GLYR1: variants seen among roughly 807,000 people sequenced by gnomAD.
GLYR1 encodes cytokine-like nuclear factor N-PAC.
GLYR1 carries 21 observed loss-of-function variants against 72.7 expected under a neutral mutation model. The ratio of observed to expected loss-of-function variants is 0.29; its 90% CI spans 0.20 to 0.42. The LOEUF is 0.42. GLYR1 is among the 10% of genes least tolerant of loss of function. The pLI is 1.00. For missense variants in GLYR1, 594 were observed against 712.1 expected (o/e 0.83, Z 1.89); for synonymous variants, 392 against 270.2 (o/e 1.45, Z -4.42).
intron 4 of GLYR1, 134 bp downstream of exon 4, chr16:4,832,640 T>G (rs113352529): frequency 1.8e-6 from 2 of 1,085,552 alleles, no homozygotes; most frequent in Non-Finnish European, 2.6e-6. Flanking sequence ...GCTGACACCT[T>G]AGAACTGAAG....
At chr16:4,832,359 T>C in intron 4 of GLYR1, 138 bp from the exon 5 acceptor site, 2 of 1,064,002 alleles carry the variant, frequency 1.9e-6, no homozygotes, top group Non-Finnish European at 2.7e-6. Context: ...GATTCTGCTG[T>C]CGTCCCAGAC....
intron 9 of GLYR1, among the ~76,000 whole-genome samples, chr16:4,818,084 T>C (rs908603504): frequency 6.6e-6 from 1 of 151,606 alleles, no homozygotes; most frequent in Non-Finnish European, 1.5e-5. Flanking sequence ...AACCTCTGCA[T>C]CCTGGGTTCA....
rs564565068 is a variant in GLYR1 at position 4,814,746 on chromosome 16, C to G, written c.907-99G>C. 50 of 968,420 alleles carry G rather than the reference C, an allele frequency of 5.2e-5. No individual in the cohort carries two copies. In the Middle Eastern group the frequency reaches 1.6e-3, roughly 31 times the overall value. The allele number at this position is 968,420 out of a possible 1,614,324, so 60.0% of individuals were successfully genotyped here. On this transcript the variant is annotated intron_variant, in intron 10 of 15. Transcript: ENST00000321919. The stretch of plus-strand genomic sequence containing the variant: ...CTGACCAGGCCTCCTGGCGGCCTAC[C>G]AAGGCAGGAGGCTGAGGCCGGGAGC...
intron 15 of GLYR1, among the ~76,000 whole-genome samples, chr16:4,805,533 G>T (rs756729618): frequency 3.9e-5 from 6 of 152,230 alleles, no homozygotes; most frequent in Non-Finnish European, 7.3e-5. Context: ...GGGGGATCTT[G>T]TGAGAATGAA....
Position 4,847,287 on chromosome 16 carries a change from A to C in GLYR1, c.-22T>G, listed in dbSNP as rs760217822. ...CCATCTTACCACCCAACCACCGCCG[A>C]CGCACGGGCCGCCGGGAACAGCAAG... On this transcript the variant is annotated 5_prime_UTR_variant, in exon 1 of 16. Coordinates refer to ENST00000321919, the MANE Select transcript of GLYR1 (RefSeq NM_032569.4). The C allele has an allele frequency of 2.5e-6, 4 of 1,609,394 alleles. No individual in the cohort carries two copies. In the South Asian group the frequency reaches 3.3e-5, roughly 13 times the overall value.
At chr16:4,821,256 C>G (rs929641229) in intron 9 of GLYR1, 124 bp downstream of exon 9, 4 of 929,620 alleles carry the variant, frequency 4.3e-6, no homozygotes, top group South Asian at 1.4e-5. Context: ...AACATCCCCC[C>G]ACCTTTTCCA....
chr16:4,817,815 C>T lies in GLYR1; in HGVS notation c.807-118G>A, dbSNP rs955861710. 8 of 696,862 alleles carry T rather than the reference C, an allele frequency of 1.1e-5. No individual in the cohort carries two copies. The African/African-American group carries it at 1.2e-4, about 11-fold the overall frequency. The allele number at this position is 696,862 out of a possible 1,614,324, so 43.2% of individuals were successfully genotyped here. On this transcript the variant is annotated intron_variant, in intron 9 of 15. Transcript: ENST00000321919. ...GCTTGGGGTAGGGGAATTCAGACTGCCAGAAACAGCAGTGGCCAATCTACC... is the reference window on the plus strand; with the variant it reads ...GCTTGGGGTAGGGGAATTCAGACTGTCAGAAACAGCAGTGGCCAATCTACC...
At chr16:4,807,862 C>A (rs1041103724) in intron 15 of GLYR1, among the ~76,000 whole-genome samples, 1 of 152,114 alleles carries the variant, frequency 6.6e-6, no homozygotes, top group Non-Finnish European at 1.5e-5. Context: ...ACAGGGGGGA[C>A]TTGAAATAGT....
chr16:4,818,002 C>CT (rs61285093), intron 9 of GLYR1: 98,210 of 219,464 alleles, frequency 0.45, 18,102 homozygotes, highest in East Asian at 0.53. Flanking sequence ...CCTTGCTGCC[C>CT]TTTTTTTTTT....
rs1035539017 is a variant in GLYR1, at chr16:4,832,719, C to T, written c.294+55G>A. The T allele has an allele frequency of 4.9e-5, 75 of 1,545,188 alleles. No individual in the cohort carries two copies. In the Middle Eastern group the frequency reaches 5.1e-4, roughly 11 times the overall value. Reference sequence around the variant, plus strand: ...TGGGTGACATTTAATCTGTTAGTTGCTATGCAAAAATCACCAGTCTGGCAT... The same window carrying T: ...TGGGTGACATTTAATCTGTTAGTTGTTATGCAAAAATCACCAGTCTGGCAT... On this transcript the variant is annotated intron_variant, in intron 4 of 15. Transcript: ENST00000321919.
intron 13 of GLYR1, 78 bp downstream of exon 13, chr16:4,812,008 G>A (rs2083346992): frequency 3.9e-6 from 6 of 1,525,182 alleles, no homozygotes; most frequent in Non-Finnish European, 5.3e-6. Flanking sequence ...AAGGCCGTGT[G>A]GGACTGACGC....
At chr16:4,847,190 C>G (rs762272219) in intron 1 of GLYR1, 38 bp downstream of exon 1, 2 of 1,578,006 alleles carry the variant, frequency 1.3e-6, no homozygotes, top group Non-Finnish European at 1.7e-6. Context: ...CGGGTAGCTC[C>G]CCGGCGCGTC....
At chr16:4,820,442 C>T (rs189776134) in intron 9 of GLYR1, among the ~76,000 whole-genome samples, 49 of 152,280 alleles carry the variant, frequency 3.2e-4, no homozygotes, top group Admixed American at 2.9e-3. Context: ...GACTAATGGG[C>T]CAATAAATGT....
At chr16:4,841,573 A>G (rs535357138) in intron 3 of GLYR1, among the ~76,000 whole-genome samples, 2 of 151,350 alleles carry the variant, frequency 1.3e-5, no homozygotes, top group Admixed American at 6.6e-5. Context: ...TGAGCCTGGG[A>G]AGTCAAGGAT....
At chr16:4,817,989 T>G in intron 9 of GLYR1, 1 of 288,514 alleles carries the variant, frequency 3.5e-6, no homozygotes. Flanking sequence ...CAGGGCAAAG[T>G]CCCCTTGCTG....
At chr16:4,808,235 C>CAAAAA (rs57992836) in intron 15 of GLYR1, among the ~76,000 whole-genome samples, 3 of 81,418 alleles carry the variant, frequency 3.7e-5, no homozygotes, top group Admixed American at 1.3e-4. Context: ...GACTCTGTCT[C>CAAAAA]AAAAAAAAAA....
chr16:4,845,238 G>T (rs1248035003), intron 2 of GLYR1, 85 bp from the exon 3 acceptor site: 12 of 855,848 alleles, frequency 1.4e-5, no homozygotes, highest in East Asian at 4.9e-5. Context: ...ACAGTTCTAC[G>T]TTGCTAAGAA....
At chr16:4,837,455 C>T (rs1377210168) in intron 3 of GLYR1, among the ~76,000 whole-genome samples, 1 of 151,150 alleles carries the variant, frequency 6.6e-6, no homozygotes, top group Non-Finnish European at 1.5e-5. Context: ...GAAAATCATA[C>T]ATGTAGATAC....
rs1259530395 is a variant in GLYR1, at chr16:4,812,178, C to G, written c.1190G>C (p.Gly397Ala). The G allele has an allele frequency of 1.9e-6, 3 of 1,614,064 alleles. No individual in the cohort carries two copies. The Admixed American group carries it at 5.0e-5, about 27-fold the overall frequency. Residue 397 changes from glycine to alanine, a missense_variant, in exon 13 of 16, where the codon GGG becomes GCG. By Grantham distance (60) the Gly-to-Ala change is moderately conservative (BLOSUM62 0). Coordinates refer to ENST00000321919, the MANE Select transcript of GLYR1 (RefSeq NM_032569.4). ...TCCAGCCGCTAAGATCACCAACATC[C>G]CGTCATTAGACAGCTGCTGATTCCC... The part of the protein sequence containing the change: ...VSGNQQLSND[G>A]MLVILAAGDR...
Sources: gnomAD v4.1 joint callset for allele counts (sites outside exome capture counted in the v4.1 genomes callset) on GRCh38, gnomAD v4.1.1 for gene constraint, MANE v1.5 for transcripts, NCBI Gene and HGNC (gene_info 2026-07-23, HGNC 2026-07-21) for gene names.